INPP4A: variants seen among roughly 807,000 people sequenced by gnomAD.
INPP4A encodes the protein inositol polyphosphate-4-phosphatase type I A.
INPP4A carries 33 observed loss-of-function variants against 119.8 expected under a neutral mutation model. The observed-to-expected ratio is 0.28, with a 90% CI of 0.21 to 0.37. The LOEUF (loss-of-function observed/expected upper bound fraction) is 0.37. INPP4A is among the 10% of genes least tolerant of loss of function. The pLI is 1.00. For synonymous variants in INPP4A, 496 were observed against 500.7 expected (o/e 0.99, Z 0.12); for missense variants, 956 against 1,289.9 (o/e 0.74, Z 3.97).
intron 1 of INPP4A, among the ~76,000 whole-genome samples, chr2:98,471,849 C>T (rs1173162316): frequency 6.6e-6 from 1 of 152,196 alleles, no homozygotes; most frequent in Non-Finnish European, 1.5e-5. Context: ...GAAATTCTGC[C>T]ACAGGCCAAG....
intron 1 of INPP4A, among the ~76,000 whole-genome samples, chr2:98,517,336 T>C (rs1686341314): frequency 6.6e-6 from 1 of 152,230 alleles, no homozygotes; most frequent in South Asian, 2.1e-4. Context: ...TACAGGCTTT[T>C]GGTGAGCATA....
In INPP4A at chr2:98,568,754, G is replaced by C. The variant is rs563224379; in HGVS notation, c.2518+86G>C. On this transcript the variant is annotated intron_variant, in intron 22 of 24. Coordinates refer to ENST00000409851, the MANE Select transcript of INPP4A (RefSeq NM_001134225.2). ...CTGAGCTCTGGCTTGCCCTGCCTCTGTGAGTGCATGCCTGTGCATGTGTGT... is the reference window on the plus strand; with the variant it reads ...CTGAGCTCTGGCTTGCCCTGCCTCTCTGAGTGCATGCCTGTGCATGTGTGT... 87 of 738,620 alleles carry C rather than the reference G, an allele frequency of 1.2e-4. 1 individual carries two copies. In the South Asian group the frequency reaches 1.2e-3, roughly 10 times the overall value. The allele number at this position is 738,620 out of a possible 1,614,324, so 45.8% of individuals were successfully genotyped here. A position where few individuals can be genotyped will look rare whatever the true frequency, so the allele number is the denominator to read the frequency against.
intron 1 of INPP4A, among the ~76,000 whole-genome samples, chr2:98,476,092 A>C (rs1006162294): frequency 4.6e-5 from 7 of 152,236 alleles, no homozygotes; most frequent in Admixed American, 6.5e-5. Context: ...GACTTGCCAC[A>C]TGAAATTTTT....
intron 24 of INPP4A, among the ~76,000 whole-genome samples, chr2:98,584,348 T>TA (rs1378348269): frequency 2.0e-5 from 3 of 152,240 alleles, no homozygotes; most frequent in African/African-American, 7.2e-5. Flanking sequence ...AGTGGTGACT[T>TA]ACGTGCACTC....
At chr2:98,565,096 C>G (rs144966631) in intron 19 of INPP4A, among the ~76,000 whole-genome samples, 1 of 152,250 alleles carries the variant, frequency 6.6e-6, no homozygotes, top group Non-Finnish European at 1.5e-5. Flanking sequence ...AGGAGAGTTG[C>G]TGGGTCAGAG....
At chr2:98,472,301 C>T (rs1361216659) in intron 1 of INPP4A, among the ~76,000 whole-genome samples, 2 of 152,202 alleles carry the variant, frequency 1.3e-5, no homozygotes, top group African/African-American at 4.8e-5. Context: ...CTGGGAGTTC[C>T]CTCAGAGAGT....
At chr2:98,444,754 A>G (rs1481780768), upstream of INPP4A, 1 of 151,690 alleles carries the variant, frequency 6.6e-6, no homozygotes, top group Non-Finnish European at 1.5e-5. Flanking sequence ...CAGAGGGCGG[A>G]CCCAGCTCGG....
chr2:98,515,956 G>A (rs970810186), intron 1 of INPP4A, among the ~76,000 whole-genome samples: 6 of 152,214 alleles, frequency 3.9e-5, no homozygotes, highest in Non-Finnish European at 8.8e-5. Context: ...GGTCACATGA[G>A]TGCGCAGAGT....
chr2:98,587,355 C>T, intron 24 of INPP4A, 121 bp from the exon 25 acceptor site: 1 of 1,052,704 alleles, frequency 9.5e-7, no homozygotes, highest in Non-Finnish European at 1.3e-6. Context: ...GAGTCCGGCA[C>T]CCATTTAAAT....
intron 24 of INPP4A, among the ~76,000 whole-genome samples, chr2:98,578,058 C>T (rs754521440): frequency 1.3e-5 from 2 of 152,198 alleles, no homozygotes; most frequent in Non-Finnish European, 2.9e-5. Context: ...TTGATAAGTG[C>T]ATTTTGTAAA....
chr2:98,543,476 T>C (rs1322178965), intron 10 of INPP4A, among the ~76,000 whole-genome samples: 1 of 152,204 alleles, frequency 6.6e-6, no homozygotes, highest in Non-Finnish European at 1.5e-5. Context: ...CAGTCCTCTC[T>C]GTTCCGGGAG....
At chr2:98,551,410 T>G (rs1693494566) in intron 13 of INPP4A, among the ~76,000 whole-genome samples, 1 of 152,242 alleles carries the variant, frequency 6.6e-6, no homozygotes, top group Non-Finnish European at 1.5e-5. Flanking sequence ...GAGTGCGGTC[T>G]GCTGCATGGG....
At chr2:98,562,583 A>G (rs927497764) in intron 17 of INPP4A, among the ~76,000 whole-genome samples, 1 of 152,072 alleles carries the variant, frequency 6.6e-6, no homozygotes, top group African/African-American at 2.4e-5. Flanking sequence ...ACTTCTCACC[A>G]TGTTTGGTGT....
rs1437302860 is a variant in INPP4A at position 98,569,956 on chromosome 2, T to C, written c.2518+1288T>C. The C allele has an allele frequency of 2.6e-5, 4 of 152,416 alleles. No individual in the cohort carries two copies. Among genetic ancestry groups the C allele is most frequent in the Non-Finnish European group, 2.9e-5 (2 of 68,090 alleles). The allele number at this position is 152,416 out of a possible 1,614,324, so 9.4% of individuals were successfully genotyped here. ...TCTGACTCCAGCCTGGTAGTGACAG[T>C]GAGCGTGGAGAGAGGGATGAGGCGT... On this transcript the variant is annotated intron_variant, in intron 22 of 24. Coordinates refer to ENST00000409851, the MANE Select transcript of INPP4A (RefSeq NM_001134225.2). The surrounding 1 kb of genome is among the most constrained non-coding windows in gnomAD (Gnocchi z 5.1).
intron 13 of INPP4A, among the ~76,000 whole-genome samples, chr2:98,547,492 G>C (rs1692680949): frequency 6.6e-6 from 1 of 152,188 alleles, no homozygotes; most frequent in Non-Finnish European, 1.5e-5. Flanking sequence ...ATGTGCAGGA[G>C]GCATTGATGA....
intron 4 of INPP4A, among the ~76,000 whole-genome samples, chr2:98,531,797 C>T (rs1418399870): frequency 6.6e-6 from 1 of 152,230 alleles, no homozygotes; most frequent in Non-Finnish European, 1.5e-5. Context: ...GTCAGCACCA[C>T]ACTTACAGTA....
chr2:98,456,369 G>T (rs963129667), intron 1 of INPP4A, among the ~76,000 whole-genome samples: 2 of 152,158 alleles, frequency 1.3e-5, no homozygotes, highest in South Asian at 4.1e-4. Context: ...GAGTCTTGCT[G>T]TGTTGCCCAG....
At chr2:98,585,724 T>C (rs1432468902) in intron 24 of INPP4A, among the ~76,000 whole-genome samples, 3 of 152,250 alleles carry the variant, frequency 2.0e-5, no homozygotes, top group African/African-American at 7.2e-5. Context: ...TAAATACAAT[T>C]TGATTTGAAA....
chr2:98,492,432 A>G (rs1429153106), intron 1 of INPP4A, among the ~76,000 whole-genome samples: 1 of 152,130 alleles, frequency 6.6e-6, no homozygotes, highest in African/African-American at 2.4e-5. Flanking sequence ...AGATTTTCCT[A>G]CTATAACATC....
Sources: allele counts gnomAD v4.1 joint callset (sites outside exome capture counted in the v4.1 genomes callset), GRCh38; gene constraint gnomAD v4.1.1; non-coding constraint Gnocchi (gnomAD v3.1); transcripts MANE v1.5; gene names NCBI Gene and HGNC (gene_info 2026-07-23, HGNC 2026-07-21).